Variants in GNAL observed in about 807,000 individuals in gnomAD.
GNAL encodes G protein subunit alpha L, also known as guanine nucleotide-binding protein G(olf) subunit alpha.
A neutral mutation model predicts 55.1 loss-of-function variants in GNAL; 18 were observed. The observed-to-expected ratio is 0.33, with a 90% CI of 0.23 to 0.48. The LOEUF (loss-of-function observed/expected upper bound fraction) is 0.48. Ranked by LOEUF, GNAL falls within the 20% of genes least tolerant of loss-of-function variation. GNAL has a pLI of 0.99. For missense variants in GNAL, 412 were observed against 614.1 expected (o/e 0.67, Z 3.48); for synonymous variants, 253 against 237.0 (o/e 1.07, Z -0.62).
chr18:11,776,707 CAAAAAA>C (rs33937288), intron 4 of GNAL, among the ~76,000 whole-genome samples: 2 of 71,648 alleles, frequency 2.8e-5, no homozygotes, highest in African/African-American at 1.0e-4. Context: ...GATCCTGCCT[CAAAAAA>C]AAAAAAAAAA....
Position 11,868,438 on chromosome 18 carries a change from G to A in GNAL, c.911-105G>A. ...TCTGTGACTGAATAGTCCTATCACT[G>A]AATGAATGTTTTTGTGGAACTGAGT... On this transcript the variant is annotated intron_variant, in intron 8 of 11. Transcript: ENST00000334049. The surrounding 1 kb of genome is among the most constrained non-coding windows in gnomAD (Gnocchi z 4.0). The A allele has an allele frequency of 1.0e-6, 1 of 959,006 alleles. No individual in the cohort carries two copies. The highest frequency in any genetic ancestry group is 1.6e-6 in the Non-Finnish European group (1 of 633,696). The allele number at this position is 959,006 out of a possible 1,614,324, so 59.4% of individuals were successfully genotyped here.
intron 4 of GNAL, among the ~76,000 whole-genome samples, chr18:11,821,712 T>G (rs1362248740): frequency 1.3e-5 from 2 of 152,206 alleles, no homozygotes; most frequent in Non-Finnish European, 2.9e-5. Flanking sequence ...GCTGGGGAGC[T>G]GCGGGGGTGC....
chr18:11,832,355 GAAA>G (rs974692088), intron 5 of GNAL, among the ~76,000 whole-genome samples: 43 of 152,146 alleles, frequency 2.8e-4, no homozygotes, highest in African/African-American at 1.0e-3. Flanking sequence ...AAAGAGCAGC[GAAA>G]AAAGTCAAGT....
At position 11,824,701 on chromosome 18, in the gene GNAL, A is replaced by AT. The variant is rs5823175; in HGVS notation, c.625-217_625-216insT. On this transcript the variant is annotated intron_variant, in intron 4 of 11. Coordinates refer to ENST00000334049, the MANE Select transcript of GNAL (RefSeq NM_182978.4). ...AGACTGTGTCTCAAAAAAAAAACAA[A>AT]AAACTTTTGCAATTTGACTTGAGTA... 0.68 allele frequency among the ~76,000 whole-genome samples: 103,553 copies of AT among 151,566 alleles called. 37,419 individuals carry two copies. Among genetic ancestry groups the AT allele is most frequent in the Admixed American group, 0.81 (12,384 of 15,248 alleles).
chr18:11,790,651 CTTTTTTTTTCT>C (rs2034205137), intron 4 of GNAL, among the ~76,000 whole-genome samples: 2 of 83,358 alleles, frequency 2.4e-5, no homozygotes, highest in Admixed American at 1.7e-4. Context: ...CTTTTCTTTT[CTTTTTTTTTCT>C]TTTTTTTTTT....
chr18:11,880,055 A>C (rs9303753), intron 11 of GNAL, among the ~76,000 whole-genome samples: 58 of 150,368 alleles, frequency 3.9e-4, no homozygotes, highest in African/African-American at 1.4e-3. Context: ...TCAGGAGTTC[A>C]AGACCAGCCT....
At chr18:11,782,811 T>C (rs2033956545) in intron 4 of GNAL, among the ~76,000 whole-genome samples, 1 of 152,246 alleles carries the variant, frequency 6.6e-6, no homozygotes, top group Non-Finnish European at 1.5e-5. Context: ...GTATCTTTCT[T>C]CGTGCTGTGT....
chr18:11,721,897 T>A (rs142344702), intron 1 of GNAL, among the ~76,000 whole-genome samples: 14 of 70,676 alleles, frequency 2.0e-4, no homozygotes, highest in Non-Finnish European at 3.4e-4. Flanking sequence ...AAAAAATAAA[T>A]AAATAAATAA....
chr18:11,717,496 G>A (rs1395548019), intron 1 of GNAL, among the ~76,000 whole-genome samples: 1 of 152,244 alleles, frequency 6.6e-6, no homozygotes, highest in African/African-American at 2.4e-5. Flanking sequence ...GCACACGAAT[G>A]TTCATTGCAG....
chr18:11,876,395 G>A (rs1342134994), intron 10 of GNAL, among the ~76,000 whole-genome samples: 2 of 151,954 alleles, frequency 1.3e-5, no homozygotes, highest in South Asian at 2.1e-4. Flanking sequence ...CCGGGGAGGT[G>A]GAGGTTGCAG....
rs149246834 is a variant in GNAL, at chr18:11,878,636, C to T, written c.1230+1948C>T. On this transcript the variant is annotated intron_variant, in intron 11 of 11. Coordinates refer to ENST00000334049, the MANE Select transcript of GNAL (RefSeq NM_182978.4). ...GCTGCCTGGAGTGCAGTGGCAAGAT[C>T]GTAGCTCACTGCAGCCTCCAACTCC... Among the ~76,000 whole-genome samples, 322 of 152,128 alleles carry T rather than the reference C, an allele frequency of 2.1e-3. 1 individual carries two copies. The highest frequency in any genetic ancestry group is 7.4e-3 in the African/African-American group (305 of 41,492).
At chr18:11,790,631 T>TTTTTC (rs930704325) in intron 4 of GNAL, among the ~76,000 whole-genome samples, 15 of 150,596 alleles carry the variant, frequency 1.0e-4, no homozygotes, top group African/African-American at 3.2e-4. Context: ...TGGCTGATGG[T>TTTTTC]TTTTCTTTTC....
chr18:11,867,510 C>A (rs1156821991), intron 8 of GNAL, among the ~76,000 whole-genome samples: 1 of 151,922 alleles, frequency 6.6e-6, no homozygotes, highest in Admixed American at 6.6e-5. Context: ...GAAACTGGGG[C>A]TCTGTTAAAA....
chr18:11,830,015 TAAGTA>T (rs1418024021), intron 5 of GNAL, among the ~76,000 whole-genome samples: 3 of 151,962 alleles, frequency 2.0e-5, no homozygotes, highest in Non-Finnish European at 4.4e-5. Flanking sequence ...AAAAAATAAA[TAAGTA>T]AATAAAGTCA....
chr18:11,758,893 C>T (rs1252832290), intron 4 of GNAL, among the ~76,000 whole-genome samples: 1 of 152,168 alleles, frequency 6.6e-6, no homozygotes, highest in Non-Finnish European at 1.5e-5. Flanking sequence ...GAAAAATAGG[C>T]CGGGCATGGT....
At chr18:11,776,637 G>A (rs967333613) in intron 4 of GNAL, among the ~76,000 whole-genome samples, 3 of 144,648 alleles carry the variant, frequency 2.1e-5, no homozygotes, top group African/African-American at 7.6e-5. Flanking sequence ...GAGCCCAGGA[G>A]TTTGAGGCTG....
At chr18:11,872,237 G>A in intron 9 of GNAL, 31 bp from the exon 10 acceptor site, 1 of 1,504,232 alleles carries the variant, frequency 6.6e-7, no homozygotes, top group Non-Finnish European at 9.0e-7. Context: ...TAGTGTATGT[G>A]AAATTTGTAT....
chr18:11,876,747 C>G (rs1430665851), intron 11 of GNAL, 59 bp downstream of exon 11: 1 of 926,796 alleles, frequency 1.1e-6, no homozygotes, highest in African/African-American at 1.6e-5. Context: ...TTGTTTCTTA[C>G]AATATGCAAA....
At chr18:11,861,014 C>T (rs976827154) in intron 5 of GNAL, among the ~76,000 whole-genome samples, 1 of 152,198 alleles carries the variant, frequency 6.6e-6, no homozygotes, top group Admixed American at 6.5e-5. Context: ...TTCACAGGCG[C>T]CTGCAGAGGA....
Sources: gnomAD v4.1 joint callset for allele counts (sites outside exome capture counted in the v4.1 genomes callset) on GRCh38, gnomAD v4.1.1 for gene constraint, Gnocchi (gnomAD v3.1) non-coding constraint, MANE v1.5 for transcripts, NCBI Gene and HGNC (gene_info 2026-07-23, HGNC 2026-07-21) for gene names.